HOMER1: variants seen among roughly 807,000 people sequenced by gnomAD.
HOMER1 encodes homer protein homolog 1.
HOMER1 carries 3 observed loss-of-function variants against 48.9 expected under a neutral mutation model. That is an observed-to-expected ratio of 0.06 (90% CI 0.03 to 0.16). The LOEUF (loss-of-function observed/expected upper bound fraction) is 0.16, where lower values mean the gene tolerates loss of function less well. Ranked by LOEUF, HOMER1 falls within the 10% of genes least tolerant of loss-of-function variation. The pLI is 1.00. For missense variants in HOMER1, 247 were observed against 411.4 expected, an observed-to-expected ratio of 0.60 and a Z score of 3.46; for synonymous variants, 134 against 146.4, an observed-to-expected ratio of 0.92 and a Z score of 0.61.
intron 4 of HOMER1, among the ~76,000 whole-genome samples, chr5:79,445,978 G>A (rs754240039): frequency 1.3e-5 from 2 of 152,138 alleles, no homozygotes; most frequent in African/African-American, 4.8e-5. Context: ...GTGTGTGCAC[G>A]CACGTGCATG....
At chr5:79,422,244 A>G (rs1219773405) in intron 5 of HOMER1, among the ~76,000 whole-genome samples, 1 of 152,084 alleles carries the variant, frequency 6.6e-6, no homozygotes, top group African/African-American at 2.4e-5. Flanking sequence ...TTAAAAAAAA[A>G]AAAATCAACA....
chr5:79,504,056 A>G (rs1338193885), intron 1 of HOMER1, among the ~76,000 whole-genome samples: 1 of 152,236 alleles, frequency 6.6e-6, no homozygotes, highest in Non-Finnish European at 1.5e-5. Context: ...CAATTTAACA[A>G]TAGTAAAATA....
intron 8 of HOMER1, among the ~76,000 whole-genome samples, chr5:79,384,086 G>A (rs541649915): frequency 6.8e-6 from 1 of 148,032 alleles, no homozygotes; most frequent in Admixed American, 6.7e-5. Context: ...ATCTAACAAT[G>A]TGCCTCAAGA....
chr5:79,421,039 A>G (rs538559558), intron 5 of HOMER1, among the ~76,000 whole-genome samples: 1 of 152,202 alleles, frequency 6.6e-6, no homozygotes, highest in Admixed American at 6.5e-5. Context: ...CTCCACAAAG[A>G]TAACTGTGCT....
intron 1 of HOMER1, among the ~76,000 whole-genome samples, chr5:79,463,695 C>T (rs569025567): frequency 3.3e-5 from 5 of 152,222 alleles, no homozygotes; most frequent in Admixed American, 6.5e-5. Context: ...AAGCTACACA[C>T]TGGTCATTCA....
chr5:79,384,358 G>A (rs6874059), intron 8 of HOMER1, among the ~76,000 whole-genome samples: 32,294 of 151,952 alleles, frequency 0.21, 4,527 homozygotes, highest in East Asian at 0.45. Context: ...AAAAGATTAC[G>A]AGAGACTATT....
At chr5:79,451,729 C>T (rs1487886191) in intron 2 of HOMER1, among the ~76,000 whole-genome samples, 1 of 151,780 alleles carries the variant, frequency 6.6e-6, no homozygotes, top group Non-Finnish European at 1.5e-5. Flanking sequence ...CCACGCCCTA[C>T]TAACTTTTTT....
intron 2 of HOMER1, among the ~76,000 whole-genome samples, chr5:79,451,615 G>GAGC (rs1580459415): frequency 7.5e-6 from 1 of 133,902 alleles, no homozygotes; most frequent in East Asian, 2.5e-4. Context: ...GCCCAGGCTG[G>GAGC]AGTGCAGTGG....
chr5:79,422,612 A>C (rs1750131670), intron 5 of HOMER1, among the ~76,000 whole-genome samples: 1 of 88,048 alleles, frequency 1.1e-5, no homozygotes, highest in Admixed American at 1.1e-4. Context: ...GACAATTGTC[A>C]AAAAAAAAAG....
intron 1 of HOMER1, among the ~76,000 whole-genome samples, chr5:79,497,846 T>C (rs1752471129): frequency 2.0e-5 from 3 of 152,114 alleles, no homozygotes; most frequent in South Asian, 4.1e-4. Flanking sequence ...TCAAATGCAG[T>C]CACTCTCAAA....
At chr5:79,490,772 AAAAAAAAAC>A (rs1238628770) in intron 1 of HOMER1, among the ~76,000 whole-genome samples, 10 of 145,826 alleles carry the variant, frequency 6.9e-5, no homozygotes, top group Admixed American at 3.4e-4. Flanking sequence ...TCTCTACCAA[AAAAAAAAAC>A]AAAAAAAAAA....
chr5:79,494,726 G>A lies in HOMER1; in HGVS notation c.5+18044C>T, dbSNP rs112371177. Among the ~76,000 whole-genome samples the A allele has an allele frequency of 1.8e-3, 274 of 152,262 alleles. 2 individuals carry two copies. The highest frequency in any genetic ancestry group is 6.1e-3 in the African/African-American group (253 of 41,554). ...CCTACTAAAAATACAAAAATTAGCCGGGCATGGTGGCAGGTGCCTGTAATC... is the reference window on the plus strand; with the variant it reads ...CCTACTAAAAATACAAAAATTAGCCAGGCATGGTGGCAGGTGCCTGTAATC... On this transcript the variant is annotated intron_variant, in intron 1 of 8. Coordinates refer to ENST00000334082, the MANE Select transcript of HOMER1 (RefSeq NM_004272.5).
intron 5 of HOMER1, among the ~76,000 whole-genome samples, chr5:79,414,528 T>C (rs1352416947): frequency 6.6e-6 from 1 of 151,874 alleles, no homozygotes; most frequent in African/African-American, 2.4e-5. Flanking sequence ...AAGAGGTACA[T>C]ACCACCACAC....
intron 5 of HOMER1, among the ~76,000 whole-genome samples, chr5:79,405,647 C>A (rs912388880): frequency 6.6e-6 from 1 of 152,132 alleles, no homozygotes; most frequent in African/African-American, 2.4e-5. Context: ...AGTTATTACA[C>A]CCATCCTTTC....
chr5:79,388,438 AAACT>A (rs1749170679), intron 8 of HOMER1, among the ~76,000 whole-genome samples: 1 of 152,222 alleles, frequency 6.6e-6, no homozygotes, highest in Non-Finnish European at 1.5e-5. Context: ...TCATCTACAC[AAACT>A]ATTACAAAAG....
At chr5:79,378,509 A>C (rs1001714465) in intron 8 of HOMER1, among the ~76,000 whole-genome samples, 4 of 152,162 alleles carry the variant, frequency 2.6e-5, no homozygotes, top group Non-Finnish European at 5.9e-5. Context: ...GGAGAATCTC[A>C]AACTAATAAA....
intron 1 of HOMER1, among the ~76,000 whole-genome samples, chr5:79,463,603 T>C (rs971193993): frequency 1.3e-5 from 2 of 152,224 alleles, no homozygotes; most frequent in African/African-American, 4.8e-5. Flanking sequence ...AAATGAAAAC[T>C]GAGGAAAGAG....
In HOMER1 at chr5:79,387,019, C is replaced by T. The variant is rs1749130810; in HGVS notation, c.876+9804G>A. 3.0e-5 allele frequency among the ~76,000 whole-genome samples: 4 copies of T among 132,824 alleles called. No individual in the cohort carries two copies. In the Admixed American group the frequency reaches 3.1e-4, roughly 10 times the overall value. 87.1% of individuals were successfully genotyped at this position (132,824 alleles called of 152,430 possible). ...CCTCCCCCTCCCCCTTCCCCCTCTT[C>T]CTTCTTTCTCCCTCCCTCCCTCTCC... is the stretch of plus-strand genomic sequence containing the variant. On this transcript the variant is annotated intron_variant, in intron 8 of 8. Transcript: ENST00000334082.
chr5:79,411,890 G>A (rs563366727), intron 5 of HOMER1, among the ~76,000 whole-genome samples: 1 of 152,286 alleles, frequency 6.6e-6, no homozygotes, highest in African/African-American at 2.4e-5. Flanking sequence ...AGGCCAAGGC[G>A]GGTGGATCAT....
Sources: allele counts gnomAD v4.1 joint callset (sites outside exome capture counted in the v4.1 genomes callset), GRCh38; gene constraint gnomAD v4.1.1; transcripts MANE v1.5; gene names NCBI Gene and HGNC (gene_info 2026-07-23, HGNC 2026-07-21).